Variants in TBC1D31 observed in about 807,000 individuals in gnomAD.
TBC1D31 encodes the protein TBC1 domain family member 31, also known as WD repeat domain 67.
TBC1D31 carries 99 observed loss-of-function variants against 132.9 expected under a neutral mutation model. The observed-to-expected ratio is 0.74, with a 90% CI of 0.63 to 0.88. The LOEUF (loss-of-function observed/expected upper bound fraction) is 0.88. TBC1D31 is among the 40% of genes least tolerant of loss of function. The pLI is 0.00. For missense variants in TBC1D31, 1,134 were observed against 1,256.6 expected (o/e 0.90, Z 1.48); for synonymous variants, 385 against 419.4 (o/e 0.92, Z 1.00).
In TBC1D31 at chr8:123,089,278, C is replaced by T. The variant is rs116735991; in HGVS notation, c.520-4313C>T. Reference sequence around the variant, plus strand: ...AAGGAATACTCAGCCGTAGCACCTCCCTCAGGGTTGGTTTCAACATTAAGT... The same window carrying T: ...AAGGAATACTCAGCCGTAGCACCTCTCTCAGGGTTGGTTTCAACATTAAGT... On this transcript the variant is annotated intron_variant, in intron 4 of 21. Coordinates refer to ENST00000287380, the MANE Select transcript of TBC1D31 (RefSeq NM_145647.4). Among the ~76,000 whole-genome samples, 1,474 of 152,254 alleles carry T rather than the reference C, an allele frequency of 9.7e-3. 25 individuals are homozygous for T. The highest frequency in any genetic ancestry group is 0.034 in the African/African-American group (1,420 of 41,554).
intron 8 of TBC1D31, among the ~76,000 whole-genome samples, chr8:123,105,868 A>G (rs1381043715): frequency 6.6e-6 from 1 of 152,232 alleles, no homozygotes; most frequent in Non-Finnish European, 1.5e-5. Flanking sequence ...CCATGTTACC[A>G]GCACCCAGAT....
intron 15 of TBC1D31, 22 bp downstream of exon 15, chr8:123,129,240 A>G: frequency 6.8e-7 from 1 of 1,462,794 alleles, no homozygotes; most frequent in Non-Finnish European, 9.2e-7. Context: ...CACTTTAAAA[A>G]AAAATCTGGA....
the TBC1D31 span, among the ~76,000 whole-genome samples, chr8:123,162,687 G>A: frequency 2.6e-5 from 4 of 152,120 alleles, no homozygotes; most frequent in Non-Finnish European, 5.9e-5. Flanking sequence ...TTCTGGTTTT[G>A]CTTATTTTCA....
chr8:123,106,273 C>T (rs1817914353), intron 8 of TBC1D31, among the ~76,000 whole-genome samples: 1 of 152,206 alleles, frequency 6.6e-6, no homozygotes, highest in African/African-American at 2.4e-5. Context: ...CTCCTGCCAT[C>T]TTGCTCTGTT....
chr8:123,163,813 T>C, the TBC1D31 span, among the ~76,000 whole-genome samples: 1 of 152,236 alleles, frequency 6.6e-6, no homozygotes, highest in Non-Finnish European at 1.5e-5. Context: ...TGTAGTCTTT[T>C]ATCCTTCACC....
intron 2 of TBC1D31, among the ~76,000 whole-genome samples, chr8:123,081,276 C>T (rs1815118942): frequency 6.6e-6 from 1 of 152,150 alleles, no homozygotes; most frequent in Non-Finnish European, 1.5e-5. Flanking sequence ...ATTTCAGGTA[C>T]TCTTTTCGAT....
At chr8:123,073,895 AG>A (rs769792640) in intron 1 of TBC1D31, among the ~76,000 whole-genome samples, 3 of 151,360 alleles carry the variant, frequency 2.0e-5, no homozygotes, top group Non-Finnish European at 4.4e-5. Context: ...CATGTTGGCC[AG>A]GCTGGTCTTG....
intron 10 of TBC1D31, among the ~76,000 whole-genome samples, chr8:123,118,518 A>C (rs1275895152): frequency 6.6e-6 from 1 of 152,222 alleles, no homozygotes; most frequent in Non-Finnish European, 1.5e-5. Flanking sequence ...GAGGTTGATA[A>C]GAATAAAAAT....
Position 123,082,736 on chromosome 8 carries a change from A to G in TBC1D31, c.259A>G (p.Thr87Ala). Residue 87 changes from threonine (T) to alanine (A), a missense_variant, in exon 3 of 22, where the codon ACA becomes GCA. By Grantham distance (58) the Thr-to-Ala change is moderately conservative (BLOSUM62 0). Transcript: ENST00000287380. The stretch of plus-strand genomic sequence containing the variant: ...TGTTCAGCGAACAGCACAAGCTTGC[A>G]CAGCTCTGGCCTTTAATCTTCGTAG... ...NLVQRTAQAC[T>A]ALAFNLRRKS... 1 of 1,613,024 alleles carries G rather than the reference A, an allele frequency of 6.2e-7. No homozygotes were observed. Among genetic ancestry groups the G allele is most frequent in the East Asian group, 2.2e-5 (1 of 44,870 alleles).
chr8:123,147,330 G>A (rs767077127), intron 20 of TBC1D31, among the ~76,000 whole-genome samples: 3 of 152,066 alleles, frequency 2.0e-5, no homozygotes, highest in Non-Finnish European at 2.9e-5. Context: ...CCACCACCAC[G>A]CCCAGCTAAT....
intron 7 of TBC1D31, among the ~76,000 whole-genome samples, chr8:123,104,972 A>G (rs1350920436): frequency 6.6e-6 from 1 of 152,210 alleles, no homozygotes; most frequent in Non-Finnish European, 1.5e-5. Context: ...AATAATCACC[A>G]TACTAACTTT....
chr8:123,112,140 A>G (rs1214300059), intron 10 of TBC1D31, among the ~76,000 whole-genome samples: 1 of 152,174 alleles, frequency 6.6e-6, no homozygotes, highest in African/African-American at 2.4e-5. Context: ...ATGTATTGGT[A>G]TTACAGGTGT....
intron 11 of TBC1D31, among the ~76,000 whole-genome samples, chr8:123,123,919 T>C (rs1819750298): frequency 6.6e-6 from 1 of 152,186 alleles, no homozygotes; most frequent in South Asian, 2.1e-4. Flanking sequence ...GGATTATAAA[T>C]TGGCATGGAA....
chr8:123,081,594 A>G (rs1815155221), intron 2 of TBC1D31, among the ~76,000 whole-genome samples: 2 of 152,354 alleles, frequency 1.3e-5, no homozygotes, highest in South Asian at 4.1e-4. Flanking sequence ...TTCATAAAGT[A>G]TATTAGTCTG....
At position 123,126,189 on chromosome 8, in the gene TBC1D31, G is replaced by T. The variant is rs766389804; in HGVS notation, c.1704G>T (p.Gln568His). The T allele has an allele frequency of 6.2e-7, 1 of 1,604,052 alleles. No homozygotes were observed. The highest frequency in any genetic ancestry group is 8.5e-7 in the Non-Finnish European group (1 of 1,176,846). ...QHFIDHDITS[Q>H]LYAWPLLETV... ...TCATAGATCATGATATAACCTCCCA[G>T]GTAAGAAGCATAAGGTTTTTAGAAT... Residue 568 changes from glutamine (Q) to histidine (H), a missense_variant and splice_region_variant, in exon 12 of 22, where the codon CAG becomes CAT. By Grantham distance (24) the Gln-to-His change is conservative. Transcript: ENST00000287380.
At chr8:123,102,108 ACTTCT>A (rs78926610) in intron 7 of TBC1D31, 35,031 of 392,212 alleles carry the variant, frequency 0.089, 2,068 homozygotes, top group Non-Finnish European at 0.12. Context: ...TGCATGCCTC[ACTTCT>A]CTTCTCTGGT....
rs775283522 is a variant in TBC1D31 at position 123,105,437 on chromosome 8, C to T, written c.1182C>T (p.Asp394=). The change falls in exon 8 of 22, where the codon GAC becomes GAT. Residue 394 remains aspartate, a synonymous_variant. Coordinates refer to ENST00000287380, the MANE Select transcript of TBC1D31 (RefSeq NM_145647.4). ...SKMQTRILKQ[D]LTGDFESKKN... is the part of the protein sequence containing the mutation. ...TGCAAACTAGAATATTAAAACAAGA[C>T]CTGACTGGTGATTTTGAAAGTAAAA... is the stretch of plus-strand genomic sequence containing the variant. The T allele has an allele frequency of 1.6e-5, 25 of 1,609,654 alleles. No individual in the cohort carries two copies. The highest frequency in any genetic ancestry group is 1.3e-5 in the African/African-American group (1 of 74,718).
chr8:123,123,887 A>G (rs1479382882), intron 11 of TBC1D31, among the ~76,000 whole-genome samples: 1 of 152,208 alleles, frequency 6.6e-6, no homozygotes, highest in Non-Finnish European at 1.5e-5. Flanking sequence ...CAATAGGATT[A>G]ACTTCGCTTG....
intron 16 of TBC1D31, among the ~76,000 whole-genome samples, chr8:123,132,682 G>A (rs1031603974): frequency 1.3e-5 from 2 of 151,948 alleles, no homozygotes. Flanking sequence ...CCAAAGTGCT[G>A]GGATTACAGG....
Sources: gnomAD v4.1 joint callset for allele counts (sites outside exome capture counted in the v4.1 genomes callset) on GRCh38, gnomAD v4.1.1 for gene constraint, MANE v1.5 for transcripts, NCBI Gene and HGNC (gene_info 2026-07-23, HGNC 2026-07-21) for gene names.